The following MAPT variants were observed in gnomAD, a reference collection of about 807,000 sequenced individuals.
MAPT encodes microtubule-associated protein tau.
MAPT carries 34 observed loss-of-function variants against 67.9 expected under a neutral mutation model. The observed-to-expected ratio is 0.50, with a 90% CI of 0.38 to 0.67. The LOEUF (loss-of-function observed/expected upper bound fraction) is 0.67. Among genes scored for constraint, MAPT ranks in the 30% least tolerant of loss-of-function variants. MAPT has a pLI of 0.00. For synonymous variants in MAPT, 456 were observed against 464.5 expected (o/e 0.98, Z 0.23); for missense variants, 881 against 1,115.2 (o/e 0.79, Z 2.99).
intron 1 of MAPT, among the ~76,000 whole-genome samples, chr17:45,951,199 C>G (rs957119793): frequency 1.3e-5 from 2 of 152,008 alleles, no homozygotes; most frequent in African/African-American, 4.8e-5. Context: ...TGGGGACTGG[C>G]GAAGGGGAGA....
chr17:45,901,655 T>C (rs1031777245), intron 1 of MAPT, among the ~76,000 whole-genome samples: 1 of 152,236 alleles, frequency 6.6e-6, no homozygotes, highest in Non-Finnish European at 1.5e-5. Context: ...AAAGTCATTA[T>C]ATCAGAAAAT....
intron 12 of MAPT, among the ~76,000 whole-genome samples, chr17:46,019,672 G>A (rs1246254206): frequency 6.6e-6 from 1 of 151,390 alleles, no homozygotes; most frequent in African/African-American, 2.4e-5. Context: ...CTCGGCCTAA[G>A]TCACTGCAGT....
At chr17:45,918,595 G>A (rs978099330) in intron 1 of MAPT, among the ~76,000 whole-genome samples, 1 of 152,228 alleles carries the variant, frequency 6.6e-6, no homozygotes, top group African/African-American at 2.4e-5. Context: ...ATTGTGGTGT[G>A]TGAAGCAAAG....
At chr17:45,959,042 T>G (rs62063276) in intron 1 of MAPT, among the ~76,000 whole-genome samples, 27,082 of 152,210 alleles carry the variant, frequency 0.18, 2,710 homozygotes, top group Middle Eastern at 0.22. Flanking sequence ...CAGCCTGGGC[T>G]ACAGAGCGAG....
intron 1 of MAPT, 199 bp downstream of exon 1, chr17:45,894,885 A>G (rs2063053182): frequency 6.6e-6 from 1 of 152,042 alleles, no homozygotes. Context: ...CAAGGGATGC[A>G]CGCACGCGTG....
In MAPT at chr17:45,962,477, G is replaced by A; in HGVS notation, c.133+7G>A. On this transcript the variant is annotated splice_region_variant and intron_variant, in intron 2 of 12. Coordinates refer to ENST00000262410, the MANE Select transcript of MAPT (RefSeq NM_001377265.1). ...ACGGACGCTGGCCTGAAAGGTTAGTGGACAGCCATGCACAGCAGGCCCAGA... is the reference window on the plus strand; with the variant it reads ...ACGGACGCTGGCCTGAAAGGTTAGTAGACAGCCATGCACAGCAGGCCCAGA... The A allele has an allele frequency of 6.2e-7, 1 of 1,612,386 alleles. No homozygotes were observed. The highest frequency in any genetic ancestry group is 1.1e-5 in the South Asian group (1 of 90,882).
Position 45,996,983 on chromosome 17 carries a change from C to G in MAPT, c.1998+319C>G, listed in dbSNP as rs1020459451. On this transcript the variant is annotated intron_variant, in intron 9 of 12. Coordinates refer to ENST00000262410, the MANE Select transcript of MAPT (RefSeq NM_001377265.1). This position sits in a 1 kb window ranked among gnomAD's most constrained non-coding sequence, Gnocchi z 4.5. Reference sequence around the variant, plus strand: ...TCGGACAGAGATGGCAGGGCTGTGTCTCCACGGCCGGAGGCTCTCATAGTC... The same window carrying G: ...TCGGACAGAGATGGCAGGGCTGTGTGTCCACGGCCGGAGGCTCTCATAGTC... Among the ~76,000 whole-genome samples, 12 of 152,198 alleles carry G rather than the reference C, an allele frequency of 7.9e-5. No individual in the cohort carries two copies. Among genetic ancestry groups the G allele is most frequent in the African/African-American group, 2.9e-4 (12 of 41,450 alleles).
chr17:45,970,193 CAT>C (rs1180176829), intron 2 of MAPT, among the ~76,000 whole-genome samples: 2 of 152,200 alleles, frequency 1.3e-5, no homozygotes, highest in Non-Finnish European at 2.9e-5. Flanking sequence ...TTCAATTATA[CAT>C]ACACACATCC....
chr17:46,002,930 G>T (rs1429180350), intron 9 of MAPT, among the ~76,000 whole-genome samples: 1 of 151,954 alleles, frequency 6.6e-6, no homozygotes, highest in Non-Finnish European at 1.5e-5. Context: ...CCACAGGCTT[G>T]CACCACAGTG....
intron 3 of MAPT, chr17:45,976,482 T>G (rs1034504441): frequency 1.3e-5 from 2 of 152,262 alleles, no homozygotes; most frequent in East Asian, 1.9e-4. Context: ...GTTGGGTGCA[T>G]GTGTCTTCAG....
At chr17:45,945,680 G>T (rs565800004) in intron 1 of MAPT, among the ~76,000 whole-genome samples, 1 of 152,200 alleles carries the variant, frequency 6.6e-6, no homozygotes, top group African/African-American at 2.4e-5. Flanking sequence ...GGGCGTGGTG[G>T]TGCACACCTG....
intron 1 of MAPT, among the ~76,000 whole-genome samples, chr17:45,902,091 T>A (rs545863382): frequency 6.6e-6 from 1 of 152,214 alleles, no homozygotes; most frequent in Non-Finnish European, 1.5e-5. Flanking sequence ...TAATCTTTTT[T>A]TGAGACGGAG....
At chr17:45,900,940 G>A (rs56306380) in intron 1 of MAPT, among the ~76,000 whole-genome samples, 21,784 of 152,104 alleles carry the variant, frequency 0.14, 2,119 homozygotes, top group Middle Eastern at 0.22. Flanking sequence ...CATCATCGGC[G>A]GTGTCCTGTG....
intron 1 of MAPT, among the ~76,000 whole-genome samples, chr17:45,912,585 C>A (rs1429566589): frequency 1.3e-5 from 2 of 152,176 alleles, no homozygotes; most frequent in African/African-American, 2.4e-5. Flanking sequence ...CCTGCTGACA[C>A]CTTAGCTTCA....
At chr17:46,020,499 G>A (rs1200132933) in intron 12 of MAPT, among the ~76,000 whole-genome samples, 1 of 152,200 alleles carries the variant, frequency 6.6e-6, no homozygotes, top group Non-Finnish European at 1.5e-5. Flanking sequence ...GGGAGTGGTG[G>A]AGGGAAAAGG....
intron 11 of MAPT, among the ~76,000 whole-genome samples, chr17:46,016,261 A>G (rs62062276): frequency 0.14 from 21,769 of 152,028 alleles, 2,126 homozygotes; most frequent in Non-Finnish European, 0.22. Flanking sequence ...GCATGGTGGC[A>G]CATGCCTGTA....
Position 45,983,305 on chromosome 17 carries a change from A to T in MAPT, c.726A>T (p.Thr242=), listed in dbSNP as rs2073169122. The change falls in exon 5 of 13, where the codon ACA becomes ACT. Residue 242 remains threonine, a synonymous_variant. Transcript: ENST00000262410. ...TGCCTGAGGGCCCCAGAGAGGCCAC[A>T]CGCCAACCTTCGGGGACAGGACCTG... The part of the protein sequence containing the change: ...PLLPEGPREA[T]RQPSGTGPED... 3 of 1,600,078 alleles carry T rather than the reference A, an allele frequency of 1.9e-6. No homozygotes were observed. The highest frequency in any genetic ancestry group is 1.6e-4 in the Middle Eastern group (1 of 6,068).
At chr17:45,941,645 TCCCCCCTTCCACCCTTCCCC>T (rs2067896675) in intron 1 of MAPT, among the ~76,000 whole-genome samples, 1 of 99,774 alleles carries the variant, frequency 1.0e-5, no homozygotes. Flanking sequence ...TTTCCCTCCT[TCCCCCCTTCCACCCTTCCCC>T]CCTTCCCCCC....
chr17:45,989,157 C>T (rs1246536673), intron 6 of MAPT, among the ~76,000 whole-genome samples: 1 of 152,050 alleles, frequency 6.6e-6, no homozygotes, highest in Admixed American at 6.6e-5. Context: ...GAAAGTAAGG[C>T]CCTTCAGACC....
Sources: allele counts gnomAD v4.1 joint callset (sites outside exome capture counted in the v4.1 genomes callset), GRCh38; gene constraint gnomAD v4.1.1; non-coding constraint Gnocchi (gnomAD v3.1); transcripts MANE v1.5; gene names NCBI Gene and HGNC (gene_info 2026-07-23, HGNC 2026-07-21).